The following TAOK2 variants were observed in gnomAD, a reference collection of about 807,000 sequenced individuals.
TAOK2 encodes serine/threonine-protein kinase TAO2.
TAOK2 carries 42 observed loss-of-function variants against 122.5 expected under a neutral mutation model. The observed-to-expected ratio is 0.34, with a 90% CI of 0.27 to 0.44. The LOEUF (loss-of-function observed/expected upper bound fraction) is 0.44, where lower values mean the gene tolerates loss of function less well. TAOK2 is among the 20% of genes least tolerant of loss of function. The pLI, the probability that TAOK2 is intolerant of heterozygous loss-of-function variation, is 1.00. For missense variants in TAOK2, 1,264 were observed against 1,644.9 expected, an observed-to-expected ratio of 0.77 and a Z score of 4.01; for synonymous variants, 704 against 677.6, an observed-to-expected ratio of 1.04 and a Z score of -0.61.
downstream of TAOK2, chr16:29,991,302 A>G: frequency 4.3e-6 from 7 of 1,611,352 alleles, no homozygotes; most frequent in South Asian, 1.1e-5. The surrounding 1 kb of genome is among the most constrained non-coding windows in gnomAD (Gnocchi z 5.6). Context: ...TCCACCAGGC[A>G]TGCCCCCTCC....
chr16:29,983,817 T>C (rs975514127), intron 13 of TAOK2, among the ~76,000 whole-genome samples, 153 bp downstream of exon 13: 1 of 152,238 alleles, frequency 6.6e-6, no homozygotes, highest in African/African-American at 2.4e-5. Flanking sequence ...TTAACCCTCC[T>C]GCTTCCCTCC....
At chr16:29,975,317 C>T (rs1031747323) in intron 1 of TAOK2, among the ~76,000 whole-genome samples, 4 of 152,230 alleles carry the variant, frequency 2.6e-5, no homozygotes, top group Admixed American at 6.5e-5. Flanking sequence ...TTATTGGCAT[C>T]TTCCCATTTT....
chr16:29,987,323 C>T lies in TAOK2; in HGVS notation c.3051C>T (p.Phe1017=), dbSNP rs749044885. 2.0e-6 allele frequency: 3 copies of T among 1,527,634 alleles called. No homozygotes were observed. The highest frequency in any genetic ancestry group is 2.6e-6 in the Non-Finnish European group (3 of 1,140,126). The allele number at this position is 1,527,634 out of a possible 1,614,324, so 94.6% of individuals were successfully genotyped here. ...CCCTGCACCTGCCCTCCAGTCTTTT[C>T]CTACTCCTGGCCCAGGGTACCGCAC... ...CTALHLPSSL[F]LLLAQGTALG... is the part of the protein sequence containing the mutation. The change falls in exon 16 of 16, where the codon TTC becomes TTT. Residue 1017 remains phenylalanine (F), a synonymous_variant. Coordinates refer to ENST00000308893, the MANE Select transcript of TAOK2 (RefSeq NM_016151.4).
At chr16:29,984,682 A>G (rs1488006763) in intron 13 of TAOK2, among the ~76,000 whole-genome samples, 1 of 152,146 alleles carries the variant, frequency 6.6e-6, no homozygotes, top group Non-Finnish European at 1.5e-5. Context: ...GTCCAAGCCC[A>G]GTGTTCTTGT....
downstream of TAOK2, chr16:29,991,664 G>A: frequency 7.3e-7 from 1 of 1,363,282 alleles, no homozygotes; most frequent in South Asian, 1.8e-5. This position sits in a 1 kb window ranked among gnomAD's most constrained non-coding sequence, Gnocchi z 5.6. Flanking sequence ...CAAGGGTAGG[G>A]GACAAGATGT....
downstream of TAOK2, chr16:29,990,934 G>T: frequency 6.2e-7 from 1 of 1,613,212 alleles, no homozygotes; most frequent in South Asian, 1.1e-5. Context: ...GGAGCAGAGG[G>T]TCGCGCTGCG....
downstream of TAOK2, chr16:29,989,970 C>A: frequency 3.0e-6 from 2 of 663,008 alleles, no homozygotes; most frequent in Non-Finnish European, 5.0e-6. Context: ...ATTTCATATT[C>A]TCCTCAGTGG....
rs1346249135 is a variant in TAOK2 at position 29,987,985 on chromosome 16, CTCCAGCCCT to C, written c.*14_*22del. The stretch of plus-strand genomic sequence containing the variant: ...GCCCTGCCCCCCTGGAGGTAGCTGA[CTCCAGCCCT>C]TCCAGCCCAAATCTAGAGCATTGAG... On this transcript the variant is annotated 3_prime_UTR_variant, in exon 16 of 16. Coordinates refer to ENST00000308893, the MANE Select transcript of TAOK2 (RefSeq NM_016151.4). 7 of 1,517,890 alleles carry C rather than the reference CTCCAGCCCT, an allele frequency of 4.6e-6. No individual in the cohort carries two copies. The highest frequency in any genetic ancestry group is 4.1e-5 in the African/African-American group (3 of 72,492). 94.0% of individuals were successfully genotyped at this position (1,517,890 alleles called of 1,614,324 possible).
chr16:29,991,029 CTG>C (rs1297844912), downstream of TAOK2: 3 of 1,579,288 alleles, frequency 1.9e-6, no homozygotes, highest in East Asian at 6.7e-5. The surrounding 1 kb of genome is among the most constrained non-coding windows in gnomAD (Gnocchi z 5.6). Context: ...ACTCTAACCT[CTG>C]TTCCGGATGC....
intron 11 of TAOK2, 84 bp downstream of exon 11, chr16:29,982,985 C>T (rs1567243066): frequency 1.2e-6 from 2 of 1,603,984 alleles, no homozygotes; most frequent in Non-Finnish European, 1.7e-6. Context: ...CCCAGCCCTA[C>T]TCACACCACC....
At chr16:29,984,900 T>C (rs2069734510) in intron 13 of TAOK2, among the ~76,000 whole-genome samples, 2 of 152,200 alleles carry the variant, frequency 1.3e-5, no homozygotes, top group Non-Finnish European at 2.9e-5. Flanking sequence ...ACATGCTTGG[T>C]AAGTGGCAAA....
Position 29,978,782 on chromosome 16 carries a change from C to G in TAOK2, c.307-17C>G. ...TGCCCAGGAGACTCTGATCTCTGAC[C>G]CTTGTCTCTTCCTTAGCTGGTAATG... is the stretch of plus-strand genomic sequence containing the variant. On this transcript the variant is annotated splice_polypyrimidine_tract_variant and intron_variant, in intron 4 of 15. Transcript: ENST00000308893. The G allele has an allele frequency of 6.2e-7, 1 of 1,614,000 alleles. No individual in the cohort carries two copies. Among genetic ancestry groups the G allele is most frequent in the Non-Finnish European group, 8.5e-7 (1 of 1,179,970 alleles).
At chr16:29,982,946 C>G (rs756385788) in intron 11 of TAOK2, 45 bp downstream of exon 11, 1 of 1,607,592 alleles carries the variant, frequency 6.2e-7, no homozygotes, top group East Asian at 2.2e-5. Flanking sequence ...CCCATGTGTG[C>G]CTGCCCCCTG....
In TAOK2 at chr16:29,983,104, T is replaced by C. The variant is rs376880756; in HGVS notation, c.1032T>C (p.Thr344=). ...EAEPYMHRAG[T]LTSLESSHSV... ...AGCCCTACATGCACCGGGCCGGGAC[T>C]CTGACCAGCCTCGAGAGTAGCCACT... Residue 344 remains threonine, a synonymous_variant, in exon 12 of 16, where the codon ACT becomes ACC. Coordinates refer to ENST00000308893, the MANE Select transcript of TAOK2 (RefSeq NM_016151.4). The C allele has an allele frequency of 6.2e-7, 1 of 1,613,890 alleles. No homozygotes were observed. The highest frequency in any genetic ancestry group is 1.3e-5 in the African/African-American group (1 of 74,850).
downstream of TAOK2, chr16:29,990,676 T>C: frequency 9.1e-7 from 1 of 1,100,882 alleles, no homozygotes; most frequent in East Asian, 2.5e-5. Context: ...CTGATAGATG[T>C]TGAGACCGCT....
At chr16:29,989,656 A>G (rs765961710), downstream of TAOK2, 2 of 1,614,114 alleles carry the variant, frequency 1.2e-6, no homozygotes, top group Non-Finnish European at 1.7e-6. Context: ...TCGGCAGTAC[A>G]AGGCTCTGCG....
chr16:29,986,878 C>G lies in TAOK2; in HGVS notation c.2606C>G (p.Thr869Arg), dbSNP rs537042619. 1 of 1,613,966 alleles carries G rather than the reference C, an allele frequency of 6.2e-7. No homozygotes were observed. The highest frequency in any genetic ancestry group is 8.5e-7 in the Non-Finnish European group (1 of 1,179,930). The change falls in exon 16 of 16, where the codon ACA becomes AGA. Residue 869 changes from threonine (T) to arginine (R), a missense_variant. Physicochemically the swap from Thr to Arg is moderately conservative, Grantham distance 71. Around this residue, in one of 4 missense-constraint regions of TAOK2, gnomAD observed 824 missense variants for 908.7 expected, o/e 0.91. Transcript: ENST00000308893. The surrounding 1 kb of genome is among the most constrained non-coding windows in gnomAD (Gnocchi z 4.2). Reference sequence around the variant, plus strand: ...ATTGTTGGCCAGGAGGAGGCTGGGACATGGAGCTTGTGGGGGAAGGAGGAT... The same window carrying G: ...ATTGTTGGCCAGGAGGAGGCTGGGAGATGGAGCTTGTGGGGGAAGGAGGAT... ...RSIVGQEEAG[T>R]WSLWGKEDES...
Position 29,981,871 on chromosome 16 carries a change from C to T in TAOK2, c.762C>T (p.Phe254=). Residue 254 remains phenylalanine, a synonymous_variant, in exon 10 of 16, where the codon TTC becomes TTT. Transcript: ENST00000308893. ...VLQSGHWSEY[F]RNFVDSCLQK... is the part of the protein sequence containing the mutation. ...CTGTGACTTTCAGGTCTGAGTACTT[C>T]CGGAATTTTGTCGACTCCTGTCTTC... The T allele has an allele frequency of 6.3e-7, 1 of 1,590,122 alleles. No homozygotes were observed.
In TAOK2 at chr16:29,986,239, C is replaced by T. The variant is rs777227948; in HGVS notation, c.1993-26C>T. 8.6e-6 allele frequency: 13 copies of T among 1,508,060 alleles called. No homozygotes were observed. Among genetic ancestry groups the T allele is most frequent in the African/African-American group, 1.4e-5 (1 of 71,276 alleles). 93.4% of individuals were successfully genotyped at this position (1,508,060 alleles called of 1,614,324 possible). On this transcript the variant is annotated intron_variant, in intron 15 of 15. Transcript: ENST00000308893. The surrounding 1 kb of genome is among the most constrained non-coding windows in gnomAD (Gnocchi z 4.2). The stretch of plus-strand genomic sequence containing the variant: ...CACTTCCTTGATACTGACCAGGCCC[C>T]GGGCCCTGCATTTCTTCTGCCTCAG...
Sources: gnomAD v4.1 joint callset for allele counts (sites outside exome capture counted in the v4.1 genomes callset) on GRCh38, gnomAD v4.1.1 for gene constraint, gnomAD v4.1.1 regional missense constraint, Gnocchi (gnomAD v3.1) non-coding constraint, MANE v1.5 for transcripts, NCBI Gene and HGNC (gene_info 2026-07-23, HGNC 2026-07-21) for gene names.